MDFI: variants seen among roughly 807,000 people sequenced by gnomAD.
MDFI encodes the protein inhibitor of MyoD family a.
Under a neutral mutation model 22.3 loss-of-function variants are expected in MDFI, and 16 were observed. The observed-to-expected ratio is 0.72, with a 90% confidence interval of 0.49 to 1.09. The LOEUF is 1.09. Ranked by LOEUF, MDFI falls within the 50% of genes least tolerant of loss-of-function variation. The pLI, the probability that MDFI is intolerant of heterozygous loss-of-function variation, is 0.00. For synonymous variants in MDFI, 145 were observed against 142.7 expected (o/e 1.02, Z -0.12); for missense variants, 314 against 326.1 (o/e 0.96, Z 0.29).
chr6:41,638,168 G>A (rs1240562705), upstream of MDFI: 1 of 153,724 alleles, frequency 6.5e-6, no homozygotes, highest in East Asian at 1.9e-4. The surrounding 1 kb of genome is among the most constrained non-coding windows in gnomAD (Gnocchi z 7.6). Context: ...GACAGGCAAA[G>A]GAAAACGTGC....
intron 2 of MDFI, among the ~76,000 whole-genome samples, chr6:41,641,035 C>T (rs1252178942): frequency 6.6e-6 from 1 of 152,204 alleles, no homozygotes; most frequent in Non-Finnish European, 1.5e-5. Flanking sequence ...GGAGTGTGAC[C>T]ATTGGATTCG....
At chr6:41,648,408 C>T (rs368205750) in intron 3 of MDFI, among the ~76,000 whole-genome samples, 3 of 152,206 alleles carry the variant, frequency 2.0e-5, no homozygotes, top group Admixed American at 2.0e-4. Context: ...GAAGGGCTGG[C>T]GTGCAGGAAG....
chr6:41,639,382 T>C, intron 2 of MDFI: 1 of 985,286 alleles, frequency 1.0e-6, no homozygotes, highest in African/African-American at 1.7e-5. Flanking sequence ...GCCCCTGCCC[T>C]GTGCACACAC....
At chr6:41,647,448 C>G (rs1372458623) in intron 3 of MDFI, among the ~76,000 whole-genome samples, 1 of 152,202 alleles carries the variant, frequency 6.6e-6, no homozygotes, top group African/African-American at 2.4e-5. Context: ...GCCCAGTCAC[C>G]CTGTGTGGGG....
In MDFI at chr6:41,653,495, G is replaced by A. The variant is rs937868878; in HGVS notation, c.661G>A (p.Gly221Ser). 37 of 1,602,902 alleles carry A rather than the reference G, an allele frequency of 2.3e-5. No homozygotes were observed. Among genetic ancestry groups the A allele is most frequent in the Admixed American group, 8.3e-5 (5 of 60,014 alleles). The change falls in exon 5 of 5, where the codon GGC becomes AGC. Residue 221 changes from glycine (G) to serine (S), a missense_variant. Transcript: ENST00000230321. The surrounding 1 kb of genome is among the most constrained non-coding windows in gnomAD (Gnocchi z 4.2). ...CGACCTGCCCTGCGACCTGGACTGC[G>A]GCATCCTGGATGCCTGCTGCGAGTC... ...DCDLPCDLDC[G>S]ILDACCESAD...
chr6:41,653,591 T>G lies in MDFI; in HGVS notation c.*16T>G, dbSNP rs762836701. 1 of 1,598,104 alleles carries G rather than the reference T, an allele frequency of 6.3e-7. No homozygotes were observed. ...CTCCTCCTGAGCCTCTGTCGGGGGC[T>G]AAGCCAGCCTGGCGCCCCTGCAGAT... is the stretch of plus-strand genomic sequence containing the variant. On this transcript the variant is annotated 3_prime_UTR_variant, in exon 5 of 5. Coordinates refer to ENST00000230321, the MANE Select transcript of MDFI (RefSeq NM_005586.4). This position sits in a 1 kb window ranked among gnomAD's most constrained non-coding sequence, Gnocchi z 4.2.
At position 41,649,859 on chromosome 6, in the gene MDFI, A is replaced by T. The variant is rs757524650; in HGVS notation, c.484+16A>T. The T allele has an allele frequency of 1.2e-6, 2 of 1,609,136 alleles. No homozygotes were observed. The highest frequency in any genetic ancestry group is 2.2e-5 in the East Asian group (1 of 44,812). On this transcript the variant is annotated intron_variant, in intron 4 of 4. Transcript: ENST00000230321. Reference sequence around the variant, plus strand: ...GCACAGGAAGGTAAGCACCCATCCCATCTCTCCCTGGGAGAGGCCTCCAAA... The same window carrying T: ...GCACAGGAAGGTAAGCACCCATCCCTTCTCTCCCTGGGAGAGGCCTCCAAA...
chr6:41,647,625 T>G (rs2127432863), intron 3 of MDFI, among the ~76,000 whole-genome samples: 1 of 135,394 alleles, frequency 7.4e-6, no homozygotes, highest in East Asian at 2.1e-4. Flanking sequence ...TGTCCTCAGC[T>G]CCTTTCTCCC....
chr6:41,640,140 G>C (rs1022143969), intron 2 of MDFI, among the ~76,000 whole-genome samples: 1 of 152,216 alleles, frequency 6.6e-6, no homozygotes, highest in African/African-American at 2.4e-5. Context: ...CGGAGGGACA[G>C]CTGGGGGCAG....
In MDFI at chr6:41,653,400, G is replaced by A. The variant is rs754798984; in HGVS notation, c.566G>A (p.Cys189Tyr). The A allele has an allele frequency of 2.5e-6, 4 of 1,610,756 alleles. No homozygotes were observed. The highest frequency in any genetic ancestry group is 8.5e-7 in the Non-Finnish European group (1 of 1,179,996). The stretch of plus-strand genomic sequence containing the variant: ...AACATCGTCCTGGACTGCGCCACCT[G>A]TGGCTCCTGCAGCTCGGAGGACTCG... ...LCNIVLDCAT[C>Y]GSCSSEDSCL... Residue 189 changes from cysteine to tyrosine, a missense_variant, in exon 5 of 5, where the codon TGT becomes TAT. Transcript: ENST00000230321. The surrounding 1 kb of genome is among the most constrained non-coding windows in gnomAD (Gnocchi z 4.2).
intron 3 of MDFI, among the ~76,000 whole-genome samples, chr6:41,646,756 TG>T (rs1561831880): frequency 6.6e-6 from 1 of 152,146 alleles, no homozygotes; most frequent in Non-Finnish European, 1.5e-5. Context: ...AAGGAGGTCC[TG>T]GGGGGAGGGA....
intron 2 of MDFI, among the ~76,000 whole-genome samples, chr6:41,643,566 G>GA (rs1554129725): frequency 2.8e-5 from 3 of 108,478 alleles, no homozygotes; most frequent in Non-Finnish European, 5.7e-5. Context: ...AGGAAGGAAG[G>GA]AAGGAAGGAA....
chr6:41,638,862 C>T lies in MDFI; in HGVS notation c.76+37C>T, dbSNP rs992674930. 6 of 1,521,138 alleles carry T rather than the reference C, an allele frequency of 3.9e-6. No individual in the cohort carries two copies. The highest frequency in any genetic ancestry group is 2.5e-5 in the East Asian group (1 of 40,540). The allele number at this position is 1,521,138 out of a possible 1,614,324, so 94.2% of individuals were successfully genotyped here. ...AGTGGCGAGCGAAGCTGGACAGGGG[C>T]GGGTGGGCGGCTGAAGGGGCCAGTT... On this transcript the variant is annotated intron_variant, in intron 2 of 4. Transcript: ENST00000230321. The surrounding 1 kb of genome is among the most constrained non-coding windows in gnomAD (Gnocchi z 7.6).
chr6:41,651,919 T>C (rs1229961698), intron 4 of MDFI, among the ~76,000 whole-genome samples: 1 of 152,244 alleles, frequency 6.6e-6, no homozygotes, highest in Non-Finnish European at 1.5e-5. Flanking sequence ...AGCACCTCTA[T>C]GTGTCTGGCG....
rs1768046272 is a variant in MDFI, at chr6:41,646,217, G to T, written c.168G>T (p.Glu56Asp). ...EAAPEEGSLE[E>D]AATPMPQGNG... The stretch of plus-strand genomic sequence containing the variant: ...CACCAGAGGAGGGCTCCCTGGAGGA[G>T]GCGGCAACCCCCATGCCCCAAGGCA... Residue 56 changes from glutamate to aspartate, a missense_variant, in exon 3 of 5, where the codon GAG becomes GAT. By Grantham distance (45) the Glu-to-Asp change is conservative (BLOSUM62 2). Coordinates refer to ENST00000230321, the MANE Select transcript of MDFI (RefSeq NM_005586.4). 2 of 1,594,394 alleles carry T rather than the reference G, an allele frequency of 1.3e-6. No individual in the cohort carries two copies. The highest frequency in any genetic ancestry group is 1.7e-6 in the Non-Finnish European group (2 of 1,170,776).
At chr6:41,647,703 CCT>C (rs1436744890) in intron 3 of MDFI, among the ~76,000 whole-genome samples, 2 of 151,910 alleles carry the variant, frequency 1.3e-5, no homozygotes, top group African/African-American at 4.8e-5. Flanking sequence ...CCTCTCTGGG[CCT>C]CTGTTTTCTC....
chr6:41,645,394 A>T (rs1468850366), intron 2 of MDFI, among the ~76,000 whole-genome samples: 1 of 151,876 alleles, frequency 6.6e-6, no homozygotes, highest in Non-Finnish European at 1.5e-5. Flanking sequence ...CTGTAATTAC[A>T]TGTGGCTGCG....
intron 2 of MDFI, chr6:41,639,670 G>C: frequency 6.1e-6 from 6 of 985,464 alleles, no homozygotes; most frequent in Non-Finnish European, 7.2e-6. Flanking sequence ...CCGCGTGCAG[G>C]AGTGTGGACC....
intron 2 of MDFI, chr6:41,640,063 T>A: frequency 1.9e-6 from 1 of 536,158 alleles, no homozygotes; most frequent in Non-Finnish European, 2.4e-6. Flanking sequence ...GCCTGCTGTC[T>A]CTGTGGGGCC....
Sources: allele counts gnomAD v4.1 joint callset (sites outside exome capture counted in the v4.1 genomes callset), GRCh38; gene constraint gnomAD v4.1.1; non-coding constraint Gnocchi (gnomAD v3.1); transcripts MANE v1.5; gene names NCBI Gene and HGNC (gene_info 2026-07-23, HGNC 2026-07-21).